CHCHD6: variants seen among roughly 807,000 people sequenced by gnomAD.
The protein encoded by CHCHD6 is coiled-coil-helix-coiled-coil-helix domain containing 6.
A neutral mutation model predicts 32.3 loss-of-function variants in CHCHD6; 28 were observed. That is an observed-to-expected ratio of 0.87 (90% CI 0.64 to 1.19). CHCHD6 has a LOEUF of 1.19. Among genes scored for constraint, CHCHD6 ranks in the 50% most tolerant of loss-of-function variants. The pLI is 0.00. For missense variants in CHCHD6, 333 were observed against 307.0 expected (o/e 1.08, Z -0.63); for synonymous variants, 122 against 117.5 (o/e 1.04, Z -0.25).
intron 4 of CHCHD6, among the ~76,000 whole-genome samples, chr3:126,754,288 C>T (rs1044592233): frequency 6.6e-6 from 1 of 152,212 alleles, no homozygotes; most frequent in Admixed American, 6.5e-5. Context: ...AGGGTTGTTG[C>T]AAGGATCAAG....
At chr3:126,811,580 A>G (rs1366762338) in intron 4 of CHCHD6, among the ~76,000 whole-genome samples, 1 of 151,414 alleles carries the variant, frequency 6.6e-6, no homozygotes. Flanking sequence ...CCCTGCCCCA[A>G]GCTGTTTTCT....
chr3:126,737,972 C>T (rs1936122627), intron 4 of CHCHD6, among the ~76,000 whole-genome samples: 1 of 152,116 alleles, frequency 6.6e-6, no homozygotes, highest in Non-Finnish European at 1.5e-5. Context: ...TAGGAAAATA[C>T]TTCAGTGGCA....
chr3:126,877,399 C>CA (rs1458855611), intron 5 of CHCHD6, among the ~76,000 whole-genome samples: 3 of 151,962 alleles, frequency 2.0e-5, no homozygotes. Flanking sequence ...ACTAAAAATA[C>CA]AAAAAATTAG....
Position 126,852,750 on chromosome 3 carries a change from G to T in CHCHD6, c.495+20G>T. Reference sequence around the variant, plus strand: ...AGGAAGGTAAGACTCCTGCTTGGCTGCATTCCTCGGGGCCAGGTCCTAAAG... The same window carrying T: ...AGGAAGGTAAGACTCCTGCTTGGCTTCATTCCTCGGGGCCAGGTCCTAAAG... On this transcript the variant is annotated intron_variant, in intron 5 of 7. Transcript: ENST00000290913. The T allele has an allele frequency of 3.9e-6, 6 of 1,556,106 alleles. No homozygotes were observed. Among genetic ancestry groups the T allele is most frequent in the Non-Finnish European group, 5.3e-6 (6 of 1,128,034 alleles).
intron 6 of CHCHD6, among the ~76,000 whole-genome samples, chr3:126,947,559 CTG>C (rs1283229837): frequency 6.6e-6 from 1 of 152,220 alleles, no homozygotes; most frequent in African/African-American, 2.4e-5. Context: ...TCTCACTGCT[CTG>C]TGACTGCGGG....
At chr3:126,947,931 G>A (rs548681409) in intron 6 of CHCHD6, among the ~76,000 whole-genome samples, 27 of 152,284 alleles carry the variant, frequency 1.8e-4, no homozygotes, top group African/African-American at 5.8e-4. Context: ...CGCCTTACAG[G>A]GGAGGACAGA....
At chr3:126,826,161 A>G (rs1482416315) in intron 4 of CHCHD6, among the ~76,000 whole-genome samples, 1 of 152,236 alleles carries the variant, frequency 6.6e-6, no homozygotes, top group Non-Finnish European at 1.5e-5. Flanking sequence ...GATATTCCAG[A>G]AGAGGATTTG....
intron 4 of CHCHD6, among the ~76,000 whole-genome samples, chr3:126,784,136 G>A (rs1938084017): frequency 6.6e-6 from 1 of 152,006 alleles, no homozygotes; most frequent in African/African-American, 2.4e-5. Flanking sequence ...AAATAGGATG[G>A]GCAGGAATCT....
intron 5 of CHCHD6, among the ~76,000 whole-genome samples, chr3:126,895,465 A>G (rs992716498): frequency 7.9e-5 from 12 of 152,194 alleles, no homozygotes; most frequent in African/African-American, 2.7e-4. Context: ...GAGAGAGGAA[A>G]TGATAGCCCT....
At chr3:126,724,388 A>G (rs1300151630) in intron 1 of CHCHD6, among the ~76,000 whole-genome samples, 2 of 152,208 alleles carry the variant, frequency 1.3e-5, no homozygotes, top group Non-Finnish European at 2.9e-5. Flanking sequence ...TTTACACTAT[A>G]TTGTAGTCTC....
At chr3:126,838,816 T>C (rs1940960887) in intron 4 of CHCHD6, among the ~76,000 whole-genome samples, 2 of 152,274 alleles carry the variant, frequency 1.3e-5, no homozygotes, top group Middle Eastern at 3.4e-3. Context: ...CAGTGTACTG[T>C]ACTGTCTTAA....
chr3:126,946,747 C>T (rs550470340), intron 6 of CHCHD6, among the ~76,000 whole-genome samples: 33 of 152,300 alleles, frequency 2.2e-4, no homozygotes, highest in African/African-American at 7.9e-4. Context: ...AGCAGAAACC[C>T]CTCCTGAACA....
Position 126,926,221 on chromosome 3 carries a change from G to A in CHCHD6, c.566+11471G>A, listed in dbSNP as rs1576611277. Among the ~76,000 whole-genome samples the A allele has an allele frequency of 2.6e-5, 4 of 152,294 alleles. No homozygotes were observed. In the South Asian group the frequency reaches 8.3e-4, roughly 32 times the overall value. On this transcript the variant is annotated intron_variant, in intron 6 of 7. Coordinates refer to ENST00000290913, the MANE Select transcript of CHCHD6 (RefSeq NM_032343.3). ...CCTGGGAGGCCCAGGGACAATACAT[G>A]GCTGCCACTTACATGTCTGTTTTGT...
intron 4 of CHCHD6, among the ~76,000 whole-genome samples, chr3:126,840,401 A>T (rs1270332314): frequency 6.6e-6 from 1 of 152,222 alleles, no homozygotes; most frequent in Non-Finnish European, 1.5e-5. Flanking sequence ...TTATATTTCA[A>T]TAAAAAATCT....
chr3:126,839,144 C>T (rs950687465), intron 4 of CHCHD6, among the ~76,000 whole-genome samples: 5 of 152,100 alleles, frequency 3.3e-5, no homozygotes, highest in Non-Finnish European at 7.4e-5. Context: ...CCTGCCTTGG[C>T]CTCTGAAAAT....
chr3:126,797,325 C>G (rs546789584), intron 4 of CHCHD6, among the ~76,000 whole-genome samples: 1 of 152,294 alleles, frequency 6.6e-6, no homozygotes, highest in African/African-American at 2.4e-5. Context: ...ATAGACCTGC[C>G]TAAGACGGGG....
intron 4 of CHCHD6, among the ~76,000 whole-genome samples, chr3:126,777,018 C>A (rs1028992999): frequency 6.6e-6 from 1 of 152,114 alleles, no homozygotes; most frequent in Non-Finnish European, 1.5e-5. Flanking sequence ...GCCTTTGAGC[C>A]AGCCCACCTG....
chr3:126,819,782 C>T (rs1334358005), intron 4 of CHCHD6, among the ~76,000 whole-genome samples: 3 of 152,230 alleles, frequency 2.0e-5, no homozygotes, highest in Non-Finnish European at 4.4e-5. Context: ...GCCCTGGAGT[C>T]ACTGTGGCGT....
intron 4 of CHCHD6, among the ~76,000 whole-genome samples, chr3:126,831,678 G>A (rs1275888223): frequency 1.3e-5 from 2 of 152,176 alleles, no homozygotes; most frequent in Admixed American, 6.5e-5. Flanking sequence ...CCCCAGGCTG[G>A]GAAACAGGCT....
Sources: allele counts gnomAD v4.1 joint callset (sites outside exome capture counted in the v4.1 genomes callset), GRCh38; gene constraint gnomAD v4.1.1; transcripts MANE v1.5; gene names NCBI Gene and HGNC (gene_info 2026-07-23, HGNC 2026-07-21).